Variants in HEATR5A observed in about 807,000 individuals in gnomAD.
HEATR5A encodes the protein HEAT repeat-containing protein 5A.
A neutral mutation model predicts 218.8 loss-of-function variants in HEATR5A; 178 were observed. The observed-to-expected ratio is 0.81, with a 90% CI of 0.72 to 0.92. The LOEUF (loss-of-function observed/expected upper bound fraction) is 0.92, where lower values mean the gene tolerates loss of function less well. Among genes scored for constraint, HEATR5A ranks in the 40% least tolerant of loss-of-function variants. HEATR5A has a pLI of 0.00. For missense variants in HEATR5A, 2,420 were observed against 2,418.9 expected (o/e 1.00, Z -0.01); for synonymous variants, 864 against 871.6 (o/e 0.99, Z 0.15).
At chr14:31,347,600 A>C in intron 19 of HEATR5A, 148 bp downstream of exon 19, 5 of 577,562 alleles carry the variant, frequency 8.7e-6, no homozygotes, top group Non-Finnish European at 1.3e-5. Context: ...GAAGATTTTA[A>C]TTTTAAAAAT....
At chr14:31,333,489 T>C (rs901281293) in intron 22 of HEATR5A, among the ~76,000 whole-genome samples, 4 of 151,978 alleles carry the variant, frequency 2.6e-5, no homozygotes, top group African/African-American at 9.7e-5. Context: ...TGACCTCAAG[T>C]GATCCACCCA....
intron 13 of HEATR5A, among the ~76,000 whole-genome samples, chr14:31,368,204 T>C (rs907290069): frequency 6.6e-6 from 1 of 152,004 alleles, no homozygotes; most frequent in Non-Finnish European, 1.5e-5. Context: ...CTTTGCCAGA[T>C]GAAGAAGGCA....
intron 10 of HEATR5A, among the ~76,000 whole-genome samples, chr14:31,382,662 G>A (rs1307694425): frequency 6.6e-6 from 1 of 151,400 alleles, no homozygotes; most frequent in East Asian, 1.9e-4. Flanking sequence ...TTATTCACTA[G>A]GTTTGTGTCA....
intron 33 of HEATR5A, among the ~76,000 whole-genome samples, chr14:31,300,629 A>G: frequency 6.6e-6 from 1 of 152,164 alleles, no homozygotes; most frequent in Non-Finnish European, 1.5e-5. Context: ...AGCAGTCCAC[A>G]TTTGAAGTCC....
chr14:31,314,708 G>C lies in HEATR5A; in HGVS notation c.4218+1062C>G, dbSNP rs114359116. Among the ~76,000 whole-genome samples the C allele has an allele frequency of 4.5e-3, 692 of 152,240 alleles. 2 individuals carry two copies. Among genetic ancestry groups the C allele is most frequent in the African/African-American group, 0.016 (655 of 41,548 alleles). ...GAGCCACTGCACCTGGCCAGACCCA[G>C]TTTATTGAATCTAGGCACAACTACT... On this transcript the variant is annotated intron_variant, in intron 27 of 35. Transcript: ENST00000543095.
chr14:31,387,869 T>C (rs758260368), intron 7 of HEATR5A, among the ~76,000 whole-genome samples: 19 of 152,204 alleles, frequency 1.2e-4, no homozygotes, highest in South Asian at 2.1e-4. Flanking sequence ...CTGAAGTGCA[T>C]AGTCTTTCAA....
At chr14:31,361,578 C>G (rs985937454) in intron 14 of HEATR5A, among the ~76,000 whole-genome samples, 1 of 152,118 alleles carries the variant, frequency 6.6e-6, no homozygotes, top group African/African-American at 2.4e-5. Context: ...TGATTACTTT[C>G]CCAACTGTCC....
chr14:31,294,184 G>A, intron 34 of HEATR5A, 80 bp from the exon 35 acceptor site: 1 of 872,472 alleles, frequency 1.1e-6, no homozygotes, highest in Non-Finnish European at 1.8e-6. Context: ...GCTTTTTAAA[G>A]TAGTGAAGGT....
At position 31,364,287 on chromosome 14, in the gene HEATR5A, AT is replaced by A. The variant is rs756893619; in HGVS notation, c.1972del (p.Ile658TyrfsTer2). 83 of 1,518,804 alleles carry A rather than the reference AT, an allele frequency of 5.5e-5. No individual in the cohort carries two copies. The highest frequency in any genetic ancestry group is 4.4e-5 in the Non-Finnish European group (49 of 1,120,672). 94.1% of individuals were successfully genotyped at this position (1,518,804 alleles called of 1,614,324 possible). A position where few individuals can be genotyped will look rare whatever the true frequency, so the allele number is the denominator to read the frequency against. ...AVDLLTQLSS[I>X]LKMYGSPLKT... ...CAAAGGACTTCCATACATTTTTAGT[AT>A]TGAAGAAAGCCTTAAAATAAAAGAA... On this transcript the variant is annotated frameshift_variant, in exon 14 of 36. Coordinates refer to ENST00000543095, the MANE Select transcript of HEATR5A (RefSeq NM_015473.4). LOFTEE classifies it high-confidence loss of function.
At position 31,394,200 on chromosome 14, in the gene HEATR5A, G is replaced by A; in HGVS notation, c.624C>T (p.Ala208=). 1 of 1,493,280 alleles carries A rather than the reference G, an allele frequency of 6.7e-7. No homozygotes were observed. Among genetic ancestry groups the A allele is most frequent in the Non-Finnish European group, 8.9e-7 (1 of 1,129,710 alleles). The allele number at this position is 1,493,280 out of a possible 1,614,324, so 92.5% of individuals were successfully genotyped here. ...CCAGGTCCGTACTCCACATAAAGATGGCTTCATTCTGAAGTTCAAGGAGAC... is the reference window on the plus strand; with the variant it reads ...CCAGGTCCGTACTCCACATAAAGATAGCTTCATTCTGAAGTTCAAGGAGAC... ...AKCLLELQNE[A]IFMWSTDLDS... Residue 208 remains alanine, a synonymous_variant, in exon 6 of 36, where the codon GCC becomes GCT. Transcript: ENST00000543095.
At chr14:31,371,647 G>GTAAT (rs1359483735) in intron 13 of HEATR5A, 163 bp downstream of exon 13, 1 of 417,304 alleles carries the variant, frequency 2.4e-6, no homozygotes, top group Non-Finnish European at 4.3e-6. Context: ...CTTTTAATAT[G>GTAAT]TAATTTCTTT....
At chr14:31,374,787 A>G in intron 12 of HEATR5A, 29 bp downstream of exon 12, 1 of 1,582,666 alleles carries the variant, frequency 6.3e-7, no homozygotes, top group Non-Finnish European at 8.6e-7. Flanking sequence ...GCCAAAGGAA[A>G]GGGAGAGAAA....
In HEATR5A at chr14:31,304,921, T is replaced by C; in HGVS notation, c.5223A>G (p.Ala1741=). The change falls in exon 32 of 36, where the codon GCA becomes GCG. Residue 1741 remains alanine (A), a synonymous_variant. Transcript: ENST00000543095. ...ACAGCATACCTTCAGGAGAGCACAC[T>C]GCAGGAAGTTCGGAAAGGATAACCA... ...AALVILSELP[A]VCSPEGSISI... 1 of 1,613,964 alleles carries C rather than the reference T, an allele frequency of 6.2e-7. No homozygotes were observed. Among genetic ancestry groups the C allele is most frequent in the African/African-American group, 1.3e-5 (1 of 75,054 alleles).
chr14:31,416,569 T>C (rs2031457008), intron 1 of HEATR5A, among the ~76,000 whole-genome samples: 1 of 152,032 alleles, frequency 6.6e-6, no homozygotes, highest in Non-Finnish European at 1.5e-5. Flanking sequence ...GGCCATATTA[T>C]GCTTCTTTTC....
chr14:31,395,140 G>T, intron 5 of HEATR5A, 59 bp downstream of exon 5: 1 of 1,159,782 alleles, frequency 8.6e-7, no homozygotes, highest in Admixed American at 2.7e-5. Context: ...CTTTCACAAA[G>T]AAGCTGATTT....
At chr14:31,390,080 G>A (rs576991181) in intron 6 of HEATR5A, among the ~76,000 whole-genome samples, 179 of 152,128 alleles carry the variant, frequency 1.2e-3, no homozygotes, top group Middle Eastern at 6.8e-3. Flanking sequence ...TAGTCATGAG[G>A]GTATCTGGAG....
chr14:31,344,074 A>T lies in HEATR5A; in HGVS notation c.3059-9T>A. The stretch of plus-strand genomic sequence containing the variant: ...AATTGAAGTACTGTTACCTAAAATA[A>T]AAAGCAGAAAGCTTTTAATAATTGG... On this transcript the variant is annotated splice_polypyrimidine_tract_variant and intron_variant, in intron 20 of 35. Coordinates refer to ENST00000543095, the MANE Select transcript of HEATR5A (RefSeq NM_015473.4). 4 of 1,469,398 alleles carry T rather than the reference A, an allele frequency of 2.7e-6. No individual in the cohort carries two copies. Among genetic ancestry groups the T allele is most frequent in the Non-Finnish European group, 3.6e-6 (4 of 1,101,964 alleles). The allele number at this position is 1,469,398 out of a possible 1,614,324, so 91.0% of individuals were successfully genotyped here. A position where few individuals can be genotyped will look rare whatever the true frequency, so the allele number is the denominator to read the frequency against.
chr14:31,370,709 T>C (rs1394178735), intron 13 of HEATR5A, among the ~76,000 whole-genome samples: 1 of 152,198 alleles, frequency 6.6e-6, no homozygotes, highest in Non-Finnish European at 1.5e-5. Flanking sequence ...ATCAATATGT[T>C]GTTGTATATT....
chr14:31,347,412 A>G (rs1222758494), intron 19 of HEATR5A, among the ~76,000 whole-genome samples: 2 of 152,136 alleles, frequency 1.3e-5, no homozygotes, highest in African/African-American at 4.8e-5. Flanking sequence ...GTGTTTTACC[A>G]TGTTGCCCAG....
Sources: allele counts gnomAD v4.1 joint callset (sites outside exome capture counted in the v4.1 genomes callset), GRCh38; gene constraint gnomAD v4.1.1; transcripts MANE v1.5; gene names NCBI Gene and HGNC (gene_info 2026-07-23, HGNC 2026-07-21).